Variants in ARHGAP42 observed in about 807,000 individuals in gnomAD.
ARHGAP42 encodes Rho GTPase activating protein 42.
In ARHGAP42, 63 loss-of-function variants were observed where a neutral mutation model predicts 125.0. The ratio of observed to expected loss-of-function variants is 0.50; its 90% CI spans 0.41 to 0.62. The LOEUF is 0.62. ARHGAP42 is among the 20% of genes least tolerant of loss of function. The probability of loss-of-function intolerance (pLI) is 0.00; values close to 1 mark genes in which losing one functional copy is unlikely to be tolerated. For synonymous variants in ARHGAP42, 339 were observed against 351.0 expected (o/e 0.97, Z 0.38); for missense variants, 766 against 1,024.2 (o/e 0.75, Z 3.44).
In ARHGAP42 at chr11:100,987,671, G is replaced by T. The variant is rs966026144; in HGVS notation, c.2536+79G>T. 3.0e-6 allele frequency: 4 copies of T among 1,330,966 alleles called. No homozygotes were observed. In the South Asian group the frequency reaches 5.1e-5, roughly 17 times the overall value. The allele number at this position is 1,330,966 out of a possible 1,614,324, so 82.4% of individuals were successfully genotyped here. A position where few individuals can be genotyped will look rare whatever the true frequency, so the allele number is the denominator to read the frequency against. On this transcript the variant is annotated intron_variant, in intron 23 of 23. Transcript: ENST00000298815. ...AATAGTATGGTGGTATGAGTCTAAA[G>T]TAGAAGCCAGAAGCCTCAGATTTTA...
intron 4 of ARHGAP42, among the ~76,000 whole-genome samples, chr11:100,902,159 A>G (rs1185742878): frequency 6.6e-6 from 1 of 152,254 alleles, no homozygotes; most frequent in East Asian, 1.9e-4. Context: ...AACAATGACC[A>G]AAACACTTTA....
Position 100,897,243 on chromosome 11 carries a change from C to A in ARHGAP42, c.385-16209C>A, listed in dbSNP as rs950376727. 2.0e-5 allele frequency among the ~76,000 whole-genome samples: 3 copies of A among 152,266 alleles called. No homozygotes were observed. The East Asian group carries it at 5.8e-4, about 29-fold the overall frequency. On this transcript the variant is annotated intron_variant, in intron 4 of 23. Transcript: ENST00000298815. ...TACCATGCTATTTTGGTTACTATAACGTTGTAGTATAGTTGGAAGTCAGGT... is the reference window on the plus strand; with the variant it reads ...TACCATGCTATTTTGGTTACTATAAAGTTGTAGTATAGTTGGAAGTCAGGT...
At position 100,965,730 on chromosome 11, in the gene ARHGAP42, G is replaced by A. The variant is rs1858073987; in HGVS notation, c.1504G>A (p.Glu502Lys). 1 of 1,551,010 alleles carries A rather than the reference G, an allele frequency of 6.4e-7. No individual in the cohort carries two copies. The highest frequency in any genetic ancestry group is 1.2e-5 in the South Asian group (1 of 84,032). ...ACATGCATTGGTGCACAAATTGCCGGAGAAAAACAGAGAGATGCTGGACAT... is the reference window on the plus strand; with the variant it reads ...ACATGCATTGGTGCACAAATTGCCGAAGAAAAACAGAGAGATGCTGGACAT... ...AVHALVHKLPEKNREMLDILI... is the reference protein window; with the variant it reads ...AVHALVHKLPKKNREMLDILI... Residue 502 changes from glutamate to lysine, a missense_variant, in exon 17 of 24, where the codon GAG becomes AAG. Glu to Lys is a moderately conservative substitution (Grantham distance 56). Around this residue, in one of 3 missense-constraint regions of ARHGAP42, gnomAD observed 455 missense variants for 636.5 expected, o/e 0.71. Coordinates refer to ENST00000298815, the MANE Select transcript of ARHGAP42 (RefSeq NM_152432.4).
intron 17 of ARHGAP42, among the ~76,000 whole-genome samples, chr11:100,971,793 C>T (rs559634962): frequency 6.6e-6 from 1 of 152,148 alleles, no homozygotes; most frequent in African/African-American, 2.4e-5. Flanking sequence ...ATTTAGTTCT[C>T]ACAACAACCT....
At position 100,990,731 on chromosome 11, in the gene ARHGAP42, A is replaced by T. The variant is rs1858810909; in HGVS notation, c.*1930A>T. 6.6e-6 allele frequency: 1 copy of T among 152,578 alleles called. No homozygotes were observed. Among genetic ancestry groups the T allele is most frequent in the Non-Finnish European group, 1.5e-5 (1 of 68,046 alleles). The allele number at this position is 152,578 out of a possible 1,614,324, so 9.5% of individuals were successfully genotyped here. A position where few individuals can be genotyped will look rare whatever the true frequency, so the allele number is the denominator to read the frequency against. ...GGAACAGAAGGTAGTTTTCCAGTGT[A>T]CCAGTCCCTTAGTCTATACAGCACC... On this transcript the variant is annotated 3_prime_UTR_variant, in exon 24 of 24. Transcript: ENST00000298815.
chr11:100,837,827 G>A (rs1032777815), intron 3 of ARHGAP42, among the ~76,000 whole-genome samples: 1 of 150,050 alleles, frequency 6.7e-6, no homozygotes, highest in Non-Finnish European at 1.5e-5. Context: ...TAAGTTTTTG[G>A]CCATCTTGGA....
chr11:100,992,594 C>A lies in ARHGAP42; in HGVS notation c.*3793C>A, dbSNP rs574827948. ...GTATTCATCAACTGGTCTCAATTTCCTGAACACATTCACTGTATCCCTCAT... is the reference window on the plus strand; with the variant it reads ...GTATTCATCAACTGGTCTCAATTTCATGAACACATTCACTGTATCCCTCAT... On this transcript the variant is annotated 3_prime_UTR_variant, in exon 24 of 24. Coordinates refer to ENST00000298815, the MANE Select transcript of ARHGAP42 (RefSeq NM_152432.4). 1.9e-5 allele frequency: 31 copies of A among 1,614,086 alleles called. No homozygotes were observed. The East Asian group carries it at 4.9e-4, about 26-fold the overall frequency.
chr11:100,716,559 G>T (rs1383308502), intron 1 of ARHGAP42, among the ~76,000 whole-genome samples: 1 of 152,044 alleles, frequency 6.6e-6, no homozygotes, highest in Non-Finnish European at 1.5e-5. Context: ...TATGTTTATT[G>T]TGTGAAATAC....
intron 5 of ARHGAP42, among the ~76,000 whole-genome samples, chr11:100,920,269 A>G (rs646792): frequency 0.72 from 108,759 of 151,524 alleles, 39,164 homozygotes; most frequent in South Asian, 0.8. Flanking sequence ...AATTAAATGC[A>G]TGATAAGTAT....
intron 1 of ARHGAP42, among the ~76,000 whole-genome samples, chr11:100,752,669 C>T (rs1039111823): frequency 6.6e-6 from 1 of 152,214 alleles, no homozygotes; most frequent in Admixed American, 6.5e-5. Context: ...TACCAGCCAG[C>T]ACCCATTCTG....
intron 17 of ARHGAP42, 25 bp from the exon 18 acceptor site, chr11:100,973,150 T>C (rs1318015777): frequency 6.7e-7 from 1 of 1,492,098 alleles, no homozygotes; most frequent in East Asian, 2.5e-5. Context: ...TAACTTAAGA[T>C]ATTTTTGTTG....
At chr11:100,766,396 T>G (rs1286809585) in intron 1 of ARHGAP42, among the ~76,000 whole-genome samples, 1 of 152,214 alleles carries the variant, frequency 6.6e-6, no homozygotes. Flanking sequence ...AAGTTGACTC[T>G]TTAGTATGAT....
Position 100,739,378 on chromosome 11 carries a change from G to A in ARHGAP42, c.155-30965G>A, listed in dbSNP as rs576904660. 2.6e-5 allele frequency among the ~76,000 whole-genome samples: 4 copies of A among 151,852 alleles called. No homozygotes were observed. The South Asian group carries it at 8.3e-4, about 32-fold the overall frequency. ...TTGATTTGAAACTTTGAAATCCTGA[G>A]AAACATTTTTTCTATGACTCTCAAA... On this transcript the variant is annotated intron_variant, in intron 1 of 23. Coordinates refer to ENST00000298815, the MANE Select transcript of ARHGAP42 (RefSeq NM_152432.4).
intron 4 of ARHGAP42, among the ~76,000 whole-genome samples, chr11:100,907,123 C>A (rs1218986519): frequency 1.3e-5 from 2 of 152,240 alleles, no homozygotes; most frequent in African/African-American, 2.4e-5. Context: ...GTTCCTGTGT[C>A]TCCACATGCT....
At chr11:100,897,862 A>G (rs2135202772) in intron 4 of ARHGAP42, among the ~76,000 whole-genome samples, 1 of 152,278 alleles carries the variant, frequency 6.6e-6, no homozygotes, top group South Asian at 2.1e-4. Flanking sequence ...CCCCGGCCAG[A>G]ACTTCCAACA....
intron 2 of ARHGAP42, among the ~76,000 whole-genome samples, chr11:100,780,190 C>T (rs770984707): frequency 6.6e-6 from 1 of 151,928 alleles, no homozygotes; most frequent in Non-Finnish European, 1.5e-5. Flanking sequence ...AAATTTTGCT[C>T]TCATGGAGTG....
chr11:100,753,428 C>A (rs570587291), intron 1 of ARHGAP42, among the ~76,000 whole-genome samples: 2 of 152,220 alleles, frequency 1.3e-5, no homozygotes, highest in Non-Finnish European at 2.9e-5. Flanking sequence ...CAATGCCACT[C>A]CTCATCTGCC....
chr11:100,809,462 A>C (rs1864085521), intron 3 of ARHGAP42, among the ~76,000 whole-genome samples: 2 of 152,224 alleles, frequency 1.3e-5, no homozygotes, highest in African/African-American at 4.8e-5. Flanking sequence ...AATGACCTTG[A>C]GAAATTTCCG....
intron 4 of ARHGAP42, among the ~76,000 whole-genome samples, chr11:100,897,782 G>T (rs1407324833): frequency 1.3e-5 from 2 of 152,200 alleles, no homozygotes; most frequent in Non-Finnish European, 2.9e-5. Context: ...CATGTCATCT[G>T]CAAACAGGGA....
Sources: allele counts gnomAD v4.1 joint callset (sites outside exome capture counted in the v4.1 genomes callset), GRCh38; gene constraint gnomAD v4.1.1; regional missense constraint gnomAD v4.1.1; transcripts MANE v1.5; gene names NCBI Gene and HGNC (gene_info 2026-07-23, HGNC 2026-07-21).